NFILZ: variants seen among roughly 807,000 people sequenced by gnomAD.
NFILZ encodes NFIL3 like basic leucine zipper.
At chr19:8,645,339 A>G (rs2042934781) in intron 3 of NFILZ, among the ~76,000 whole-genome samples, 1 of 143,204 alleles carries the variant, frequency 7.0e-6, no homozygotes, top group African/African-American at 2.6e-5. Flanking sequence ...GGGTCTAGCC[A>G]TGTTGCCCAG....
At chr19:8,667,248 G>T (rs1555749917) in intron 3 of NFILZ, among the ~76,000 whole-genome samples, 4 of 152,218 alleles carry the variant, frequency 2.6e-5, no homozygotes, top group African/African-American at 9.7e-5. Flanking sequence ...CTCAGTTCCT[G>T]AGTTAGACCT....
intron 3 of NFILZ, among the ~76,000 whole-genome samples, chr19:8,660,721 T>G (rs1555749015): frequency 6.7e-6 from 1 of 149,484 alleles, no homozygotes; most frequent in Non-Finnish European, 1.5e-5. Flanking sequence ...CACTGCAAGC[T>G]CCACCTCCCA....
intron 3 of NFILZ, among the ~76,000 whole-genome samples, chr19:8,652,145 G>C (rs10407259): frequency 0.016 from 2,339 of 146,650 alleles, 63 homozygotes; most frequent in African/African-American, 0.057. Flanking sequence ...CTCTGTCGCC[G>C]AGGCTGGAGT....
intron 3 of NFILZ, among the ~76,000 whole-genome samples, chr19:8,645,064 G>A (rs2042933447): frequency 8.4e-6 from 1 of 118,424 alleles, no homozygotes; most frequent in Admixed American, 1.2e-4. Context: ...ACAGGCATAA[G>A]CCACCGCACC....
At chr19:8,661,359 C>T (rs1029758692) in intron 3 of NFILZ, among the ~76,000 whole-genome samples, 9 of 151,506 alleles carry the variant, frequency 5.9e-5, no homozygotes, top group Non-Finnish European at 1.2e-4. Context: ...AGATGGGTTT[C>T]GCCCAGGCTT....
At chr19:8,640,600 G>T (rs2042915133) in intron 3 of NFILZ, among the ~76,000 whole-genome samples, 1 of 152,062 alleles carries the variant, frequency 6.6e-6, no homozygotes, top group South Asian at 2.1e-4. Flanking sequence ...AAAAATTGAG[G>T]CGGCGACACG....
At chr19:8,653,934 G>A (rs2042980526) in intron 3 of NFILZ, among the ~76,000 whole-genome samples, 1 of 152,120 alleles carries the variant, frequency 6.6e-6, no homozygotes, top group Non-Finnish European at 1.5e-5. Flanking sequence ...ATTCATCCAT[G>A]TAATCAACAC....
At chr19:8,676,213 G>A (rs1424802341) in intron 4 of NFILZ, among the ~76,000 whole-genome samples, 146 bp from the exon 5 acceptor site, 2 of 152,176 alleles carry the variant, frequency 1.3e-5, no homozygotes, top group African/African-American at 4.8e-5. Flanking sequence ...GTAGTTGGAT[G>A]GATGGAAGGG....
intron 3 of NFILZ, among the ~76,000 whole-genome samples, chr19:8,660,306 T>C (rs906401329): frequency 3.3e-5 from 5 of 151,778 alleles, no homozygotes; most frequent in Non-Finnish European, 7.4e-5. Context: ...AAACAGTTAT[T>C]AAGCACCTAC....
At chr19:8,653,144 C>T (rs904105625) in intron 3 of NFILZ, among the ~76,000 whole-genome samples, 4 of 150,682 alleles carry the variant, frequency 2.7e-5, no homozygotes, top group Middle Eastern at 3.4e-3. Context: ...CGCAATGGTG[C>T]GATCTTGGCT....
Position 8,652,198 on chromosome 19 carries a change from G to T in NFILZ, c.-164+16452G>T, listed in dbSNP as rs142563248. Among the ~76,000 whole-genome samples the T allele has an allele frequency of 6.2e-3, 937 of 151,856 alleles. 15 individuals carry two copies. Among genetic ancestry groups the T allele is most frequent in the African/African-American group, 0.022 (896 of 41,292 alleles). On this transcript the variant is annotated intron_variant, in intron 3 of 5. Transcript: ENST00000691075. ...GCTCACTGCCAGCTCCGCTTCCCAG[G>T]TTCACGCCATTCTCCTGCCTCAGGC...
At chr19:8,652,783 T>TTTTC (rs1288183562) in intron 3 of NFILZ, among the ~76,000 whole-genome samples, 1 of 151,654 alleles carries the variant, frequency 6.6e-6, no homozygotes, top group Admixed American at 6.6e-5. Flanking sequence ...CCTTTCTTTC[T>TTTTC]TTTCTTTCTT....
intron 2 of NFILZ, among the ~76,000 whole-genome samples, chr19:8,633,476 CG>C (rs1448972851): frequency 3.3e-5 from 5 of 152,116 alleles, no homozygotes; most frequent in Non-Finnish European, 7.4e-5. Context: ...AGGGAAGCTG[CG>C]GCTAAGCTGA....
rs541846743 is a variant in NFILZ at position 8,638,844 on chromosome 19, G to GTTT, written c.-164+3113_-164+3115dup. Among the ~76,000 whole-genome samples, 1,297 of 135,578 alleles carry GTTT rather than the reference G, an allele frequency of 9.6e-3. 31 individuals are homozygous for GTTT. The highest frequency in any genetic ancestry group is 0.034 in the African/African-American group (1,252 of 36,394). 88.9% of individuals were successfully genotyped at this position (135,578 alleles called of 152,430 possible). A position where few individuals can be genotyped will look rare whatever the true frequency, so the allele number is the denominator to read the frequency against. On this transcript the variant is annotated intron_variant, in intron 3 of 5. Transcript: ENST00000691075. ...CCCTGAAGCAGGAATTTACTTTGCT[G>GTTT]TTTTTTTTTTTTTTTTTGAGATGGA...
chr19:8,643,055 TC>T (rs1345271351), intron 3 of NFILZ, among the ~76,000 whole-genome samples: 4 of 151,160 alleles, frequency 2.6e-5, no homozygotes, highest in African/African-American at 9.8e-5. Flanking sequence ...GCTCAAGCTC[TC>T]CCCCCACCTC....
chr19:8,650,849 C>G (rs1216267561), intron 3 of NFILZ, among the ~76,000 whole-genome samples: 1 of 152,080 alleles, frequency 6.6e-6, no homozygotes, highest in Non-Finnish European at 1.5e-5. Flanking sequence ...ATGTAAACTT[C>G]AACTTAGCGC....
chr19:8,667,557 T>C (rs1455059005), intron 3 of NFILZ, among the ~76,000 whole-genome samples: 1 of 152,206 alleles, frequency 6.6e-6, no homozygotes, highest in African/African-American at 2.4e-5. Flanking sequence ...TTTATATTTT[T>C]ATTTTTTTGA....
rs977265313 is a variant in NFILZ, at chr19:8,678,703, C to T, written c.*1068C>T. 1.2e-4 allele frequency among the ~76,000 whole-genome samples: 18 copies of T among 152,194 alleles called. No individual in the cohort carries two copies. The highest frequency in any genetic ancestry group is 4.3e-4 in the African/African-American group (18 of 41,444). Reference sequence around the variant, plus strand: ...TTCATCCACCCATTCATCTACTCATCCACCCATCCATCCTTTCATTCATTT... The same window carrying T: ...TTCATCCACCCATTCATCTACTCATTCACCCATCCATCCTTTCATTCATTT... On this transcript the variant is annotated 3_prime_UTR_variant, in exon 6 of 6. Transcript: ENST00000691075.
rs1208871350 is a variant in NFILZ, at chr19:8,680,209, A to G, written c.*2574A>G. Among the ~76,000 whole-genome samples, 5 of 139,542 alleles carry G rather than the reference A, an allele frequency of 3.6e-5. 1 individual carries two copies. The highest frequency in any genetic ancestry group is 1.1e-4 in the African/African-American group (4 of 35,932). 91.5% of individuals were successfully genotyped at this position (139,542 alleles called of 152,430 possible). A position where few individuals can be genotyped will look rare whatever the true frequency, so the allele number is the denominator to read the frequency against. Reference sequence around the variant, plus strand: ...AGACTCCATCTGAAAAAAAAAAAAAAAAAAAGGAAAAAGAAAAAATCCTGT... The same window carrying G: ...AGACTCCATCTGAAAAAAAAAAAAAGAAAAAGGAAAAAGAAAAAATCCTGT... On this transcript the variant is annotated 3_prime_UTR_variant, in exon 6 of 6. Coordinates refer to ENST00000691075, the MANE Select transcript of NFILZ (RefSeq NM_001378600.1).
Sources: gnomAD v4.1 joint callset for allele counts (sites outside exome capture counted in the v4.1 genomes callset) on GRCh38, gnomAD v4.1.1 for gene constraint, MANE v1.5 for transcripts, NCBI Gene and HGNC (gene_info 2026-07-23, HGNC 2026-07-21) for gene names.